The following CDK18 variants were observed in gnomAD, a reference collection of about 807,000 sequenced individuals.
The protein encoded by CDK18 is cyclin dependent kinase 18.
A neutral mutation model predicts 62.0 loss-of-function variants in CDK18; 52 were observed. The observed-to-expected ratio is 0.84, with a 90% confidence interval of 0.67 to 1.06. CDK18 has a LOEUF of 1.06. Among genes scored for constraint, CDK18 ranks in the 50% least tolerant of loss-of-function variants. The pLI, the probability that CDK18 is intolerant of heterozygous loss-of-function variation, is 0.00. For synonymous variants in CDK18, 237 were observed against 247.0 expected, an observed-to-expected ratio of 0.96 and a Z score of 0.38; for missense variants, 604 against 619.9, an observed-to-expected ratio of 0.97 and a Z score of 0.27.
At chr1:205,506,289 C>A (rs907827352) in intron 1 of CDK18, among the ~76,000 whole-genome samples, 1 of 152,166 alleles carries the variant, frequency 6.6e-6, no homozygotes, top group Non-Finnish European at 1.5e-5. Context: ...CCTTTCCCAG[C>A]CACCTCTTGT....
intron 7 of CDK18, 126 bp downstream of exon 7, chr1:205,526,587 C>T (rs375579523): frequency 7.5e-6 from 7 of 936,538 alleles, no homozygotes; most frequent in African/African-American, 1.6e-5. Flanking sequence ...GTTCTGGAAT[C>T]AGATTTTCAG....
In CDK18 at chr1:205,526,780, T is replaced by G. The variant is rs1668455488; in HGVS notation, c.672T>G (p.Ser224Arg). 6.2e-7 allele frequency: 1 copy of G among 1,613,928 alleles called. No homozygotes were observed. The highest frequency in any genetic ancestry group is 1.3e-5 in the African/African-American group (1 of 75,032). The change falls in exon 8 of 16, where the codon AGT becomes AGG. Residue 224 changes from serine to arginine, a missense_variant. Transcript: ENST00000429964. ...SLTLVFEYLD[S>R]DLKQYLDHCG... The stretch of plus-strand genomic sequence containing the variant: ...AGCCACGCTCTGTGTTCCAGGACAG[T>G]GACCTGAAGCAGTATCTGGACCACT...
chr1:205,522,030 A>C (rs1284570099), intron 1 of CDK18, among the ~76,000 whole-genome samples: 1 of 152,188 alleles, frequency 6.6e-6, no homozygotes, highest in African/African-American at 2.4e-5. Flanking sequence ...CAGTGTGTGC[A>C]GAGCAGGATG....
chr1:205,526,511 G>A (rs1306759688), intron 7 of CDK18, 50 bp downstream of exon 7: 1 of 1,446,956 alleles, frequency 6.9e-7, no homozygotes, highest in African/African-American at 1.4e-5. Context: ...GGTGGAAACG[G>A]GGTGTGGGTA....
At position 205,517,447 on chromosome 1, in the gene CDK18, C is replaced by T. The variant is rs534769691; in HGVS notation, c.-21-5700C>T. Among the ~76,000 whole-genome samples the T allele has an allele frequency of 4.6e-5, 7 of 152,260 alleles. No individual in the cohort carries two copies. Among genetic ancestry groups the T allele is most frequent in the African/African-American group, 1.7e-4 (7 of 41,554 alleles). ...GAGAGGAGAGCCAAGCTTTGCTGGA[C>T]ATCTTCCCTGTGCCAGTGGTGTGTT... On this transcript the variant is annotated intron_variant, in intron 1 of 15. Coordinates refer to ENST00000429964, the MANE Select transcript of CDK18 (RefSeq NM_212502.3). The surrounding 1 kb of genome is among the most constrained non-coding windows in gnomAD (Gnocchi z 4.1).
rs750000988 is a variant in CDK18, at chr1:205,525,182, A to T, written c.443A>T (p.Asp148Val). The T allele has an allele frequency of 3.7e-6, 6 of 1,610,420 alleles. No individual in the cohort carries two copies. ...AAACTGGAAACATACGTGAAACTGG[A>T]CAAACTGGGAGAGGTAAGACGCTGG... ...FGKLETYVKL[D>V]KLGEGTYATV... The change falls in exon 5 of 16, where the codon GAC (aspartate) becomes GTC (valine). Residue 148 changes from aspartate (D) to valine (V), a missense_variant. Physicochemically the swap from Asp to Val is radical, Grantham distance 152 (BLOSUM62 -3). Transcript: ENST00000429964.
In CDK18 at chr1:205,528,264, C is replaced by A; in HGVS notation, c.974+96C>A. ...CCCCAAGGGCCTCGGGGAAGAACTG[C>A]CTAACTTCCTTTGCCTAAAAGCCTT... On this transcript the variant is annotated intron_variant, in intron 10 of 15. Coordinates refer to ENST00000429964, the MANE Select transcript of CDK18 (RefSeq NM_212502.3). The surrounding 1 kb of genome is among the most constrained non-coding windows in gnomAD (Gnocchi z 4.2). 6.9e-7 allele frequency: 1 copy of A among 1,439,902 alleles called. No homozygotes were observed. Among genetic ancestry groups the A allele is most frequent in the Non-Finnish European group, 9.5e-7 (1 of 1,054,068 alleles). The allele number at this position is 1,439,902 out of a possible 1,614,324, so 89.2% of individuals were successfully genotyped here. A position where few individuals can be genotyped will look rare whatever the true frequency, so the allele number is the denominator to read the frequency against.
Position 205,528,319 on chromosome 1 carries a change from A to T in CDK18, c.974+151A>T. 1 of 961,564 alleles carries T rather than the reference A, an allele frequency of 1.0e-6. No homozygotes were observed. Among genetic ancestry groups the T allele is most frequent in the South Asian group, 1.7e-5 (1 of 57,812 alleles). 59.6% of individuals were successfully genotyped at this position (961,564 alleles called of 1,614,324 possible). A position where few individuals can be genotyped will look rare whatever the true frequency, so the allele number is the denominator to read the frequency against. ...CATCCTGCTGAAATGGATGTTAAAA[A>T]ATTAGGTCTGAAATATAATAGGTTA... On this transcript the variant is annotated intron_variant, in intron 10 of 15. Coordinates refer to ENST00000429964, the MANE Select transcript of CDK18 (RefSeq NM_212502.3). This position sits in a 1 kb window ranked among gnomAD's most constrained non-coding sequence, Gnocchi z 4.2.
chr1:205,521,193 A>G (rs993246011), intron 1 of CDK18, among the ~76,000 whole-genome samples: 1 of 152,172 alleles, frequency 6.6e-6, no homozygotes, highest in African/African-American at 2.4e-5. Flanking sequence ...ATGCTGGCGC[A>G]TAGTAGGTGC....
chr1:205,529,423 C>A lies in CDK18; in HGVS notation c.1172C>A (p.Ala391Glu), dbSNP rs747475085. 1.2e-6 allele frequency: 2 copies of A among 1,613,538 alleles called. No homozygotes were observed. Among genetic ancestry groups the A allele is most frequent in the African/African-American group, 2.7e-5 (2 of 74,938 alleles). The change falls in exon 12 of 16, where the codon GCG (alanine) becomes GAG (glutamate). Residue 391 changes from alanine (A) to glutamate (E), a missense_variant. Coordinates refer to ENST00000429964, the MANE Select transcript of CDK18 (RefSeq NM_212502.3). ...CTCCCGCAGCCGCTCATCAACCACG[C>A]GCCCAGGTAGCCCCTGCGCCCGCCG... ...CYLPQPLINH[A>E]PRLDTDGIHL...
At chr1:205,512,765 G>A (rs748219623) in intron 1 of CDK18, among the ~76,000 whole-genome samples, 2 of 152,232 alleles carry the variant, frequency 1.3e-5, no homozygotes, top group Non-Finnish European at 1.5e-5. Context: ...CAGAATGTGG[G>A]CACTGGGCGG....
intron 5 of CDK18, among the ~76,000 whole-genome samples, 181 bp downstream of exon 5, chr1:205,525,376 G>A (rs1175502138): frequency 6.6e-6 from 1 of 152,228 alleles, no homozygotes; most frequent in Non-Finnish European, 1.5e-5. Flanking sequence ...AGGGATTGAA[G>A]TGAGCTCAGA....
In CDK18 at chr1:205,529,449, C is replaced by G; in HGVS notation, c.1178+20C>G. The G allele has an allele frequency of 6.2e-7, 1 of 1,611,840 alleles. No individual in the cohort carries two copies. On this transcript the variant is annotated intron_variant, in intron 12 of 15. Transcript: ENST00000429964. Reference sequence around the variant, plus strand: ...GCCCAGGTAGCCCCTGCGCCCGCCGCCCCTCCTGCTGCGGCCCTGGCTCTC... The same window carrying G: ...GCCCAGGTAGCCCCTGCGCCCGCCGGCCCTCCTGCTGCGGCCCTGGCTCTC...
Position 205,527,867 on chromosome 1 carries a change from C to T in CDK18, c.803C>T (p.Pro268Leu). 1 of 1,614,118 alleles carries T rather than the reference C, an allele frequency of 6.2e-7. No homozygotes were observed. The highest frequency in any genetic ancestry group is 1.1e-5 in the South Asian group (1 of 91,070). Residue 268 changes from proline to leucine, a missense_variant, in exon 9 of 16, where the codon CCC becomes CTC. Transcript: ENST00000429964. This position sits in a 1 kb window ranked among gnomAD's most constrained non-coding sequence, Gnocchi z 4.1. ...HRKILHRDLK[P>L]QNLLINERGE... is the part of the protein sequence containing the mutation. ...AAGATCCTGCACCGGGACCTGAAGC[C>T]CCAGAACCTGCTCATCAACGAGAGG... is the stretch of plus-strand genomic sequence containing the variant.
rs947413259 is a variant in CDK18 at position 205,527,607 on chromosome 1, C to G, written c.730-187C>G. On this transcript the variant is annotated intron_variant, in intron 8 of 15. Coordinates refer to ENST00000429964, the MANE Select transcript of CDK18 (RefSeq NM_212502.3). This position sits in a 1 kb window ranked among gnomAD's most constrained non-coding sequence, Gnocchi z 4.1. The stretch of plus-strand genomic sequence containing the variant: ...ACTCACTGCGTCCTCTGCACCCCTG[C>G]TGTCCTCCCCTCTGGATGGGATTCC... The G allele has an allele frequency of 9.7e-6, 6 of 619,474 alleles. No individual in the cohort carries two copies. The African/African-American group carries it at 1.1e-4, about 11-fold the overall frequency. The allele number at this position is 619,474 out of a possible 1,614,324, so 38.4% of individuals were successfully genotyped here. A position where few individuals can be genotyped will look rare whatever the true frequency, so the allele number is the denominator to read the frequency against.
At chr1:205,526,720 G>C (rs1255315113) in intron 7 of CDK18, 55 bp from the exon 8 acceptor site, 1 of 1,513,632 alleles carries the variant, frequency 6.6e-7, no homozygotes, top group South Asian at 1.1e-5. Flanking sequence ...CCTGTGTCTG[G>C]GCTTCTGGCC....
intron 1 of CDK18, among the ~76,000 whole-genome samples, chr1:205,512,855 C>G (rs111469171): frequency 1.3e-5 from 2 of 152,178 alleles, no homozygotes; most frequent in Admixed American, 6.5e-5. Flanking sequence ...TTCCCTCCCC[C>G]TCCTGAGACT....
intron 13 of CDK18, chr1:205,529,869 G>A: frequency 1.5e-6 from 2 of 1,336,412 alleles, no homozygotes; most frequent in Middle Eastern, 1.9e-4. Flanking sequence ...TGGCCGTGAG[G>A]ATACATTGAG....
chr1:205,527,965 G>A lies in CDK18; in HGVS notation c.853+48G>A, dbSNP rs116021027. 1.2e-6 allele frequency: 2 copies of A among 1,613,264 alleles called. No individual in the cohort carries two copies. The highest frequency in any genetic ancestry group is 1.7e-6 in the Non-Finnish European group (2 of 1,179,382). ...GGTCTGACGCTACTGGGGTGCCTCA[G>A]GGTGTGGGTGCAGTGGGGGAGGGCA... On this transcript the variant is annotated intron_variant, in intron 9 of 15. Transcript: ENST00000429964. This position sits in a 1 kb window ranked among gnomAD's most constrained non-coding sequence, Gnocchi z 4.1.
Sources: gnomAD v4.1 joint callset for allele counts (sites outside exome capture counted in the v4.1 genomes callset) on GRCh38, gnomAD v4.1.1 for gene constraint, Gnocchi (gnomAD v3.1) non-coding constraint, MANE v1.5 for transcripts, NCBI Gene and HGNC (gene_info 2026-07-23, HGNC 2026-07-21) for gene names.